Variants in EPHA3 observed in about 807,000 individuals in gnomAD.
The protein encoded by EPHA3 is EPH receptor A3, also known as ephrin type-A receptor 3.
In EPHA3, 42 loss-of-function variants were observed where a neutral mutation model predicts 107.1. The observed-to-expected ratio is 0.39, with a 90% CI of 0.31 to 0.51. EPHA3 has a LOEUF of 0.51. Among genes scored for constraint, EPHA3 ranks in the 20% least tolerant of loss-of-function variants. The pLI, the probability that EPHA3 is intolerant of heterozygous loss-of-function variation, is 0.78. For missense variants in EPHA3, 1,183 were observed against 1,211.2 expected (o/e 0.98, Z 0.35); for synonymous variants, 461 against 424.8 (o/e 1.09, Z -1.05).
chr3:89,355,032 C>G (rs1310872452), intron 5 of EPHA3, among the ~76,000 whole-genome samples: 1 of 150,706 alleles, frequency 6.6e-6, no homozygotes, highest in Non-Finnish European at 1.5e-5. Context: ...TCAAAAGCAC[C>G]CTCTTGACAA....
intron 3 of EPHA3, among the ~76,000 whole-genome samples, chr3:89,338,600 C>T (rs748541987): frequency 9.8e-5 from 15 of 152,340 alleles, no homozygotes; most frequent in South Asian, 8.3e-4. Context: ...CCAGGCCGGA[C>T]TGCAGTGGCG....
chr3:89,257,398 C>T (rs1320595859), intron 3 of EPHA3, among the ~76,000 whole-genome samples: 2 of 152,146 alleles, frequency 1.3e-5, no homozygotes, highest in East Asian at 1.9e-4. Flanking sequence ...ACCCCACTCC[C>T]TTTTCCTTAT....
At chr3:89,422,714 T>G (rs928129575) in intron 11 of EPHA3, among the ~76,000 whole-genome samples, 1 of 151,456 alleles carries the variant, frequency 6.6e-6, no homozygotes, top group Non-Finnish European at 1.5e-5. Flanking sequence ...AAAATAATTC[T>G]TTTTTTGCTC....
intron 2 of EPHA3, among the ~76,000 whole-genome samples, chr3:89,183,389 G>A (rs1228610329): frequency 6.6e-6 from 1 of 151,816 alleles, no homozygotes; most frequent in African/African-American, 2.4e-5. Context: ...GTAAGATTTG[G>A]TCTTTTCTCA....
At chr3:89,186,549 T>C (rs192018363) in intron 2 of EPHA3, among the ~76,000 whole-genome samples, 30 of 152,270 alleles carry the variant, frequency 2.0e-4, no homozygotes, top group African/African-American at 6.3e-4. Flanking sequence ...AAGTATTTTC[T>C]GATGTTTATT....
At chr3:89,160,508 G>C (rs1270344827) in intron 2 of EPHA3, among the ~76,000 whole-genome samples, 2 of 149,486 alleles carry the variant, frequency 1.3e-5, no homozygotes, top group Non-Finnish European at 3.0e-5. Flanking sequence ...AGTAAATAAA[G>C]CTTTATATTC....
intron 2 of EPHA3, among the ~76,000 whole-genome samples, chr3:89,207,904 A>G (rs371809618): frequency 5.9e-5 from 9 of 152,220 alleles, no homozygotes; most frequent in African/African-American, 2.2e-4. Flanking sequence ...CCTAAAATTT[A>G]GCAAATGCCT....
chr3:89,423,964 T>C (rs1709403595), intron 11 of EPHA3, among the ~76,000 whole-genome samples: 1 of 151,428 alleles, frequency 6.6e-6, no homozygotes, highest in Non-Finnish European at 1.5e-5. Context: ...AGAAGAAATA[T>C]GATGAAGCAC....
intron 5 of EPHA3, among the ~76,000 whole-genome samples, chr3:89,394,760 A>G (rs985893426): frequency 8.5e-5 from 13 of 152,360 alleles, no homozygotes; most frequent in African/African-American, 3.1e-4. Flanking sequence ...AGAAAAATCT[A>G]TATAAAAATA....
chr3:89,410,461 GCAGGAAAT>G (rs1477279590), intron 9 of EPHA3, among the ~76,000 whole-genome samples: 1 of 151,854 alleles, frequency 6.6e-6, no homozygotes, highest in Non-Finnish European at 1.5e-5. Context: ...AATTCTGATG[GCAGGAAAT>G]CTCCCCCACG....
chr3:89,159,417 C>T (rs1395517400), intron 2 of EPHA3, among the ~76,000 whole-genome samples: 2 of 152,074 alleles, frequency 1.3e-5, no homozygotes, highest in Non-Finnish European at 2.9e-5. Flanking sequence ...ACAGCAAGCA[C>T]CACCAAAATC....
At chr3:89,161,244 A>G (rs1704934718) in intron 2 of EPHA3, among the ~76,000 whole-genome samples, 1 of 152,208 alleles carries the variant, frequency 6.6e-6, no homozygotes, top group Admixed American at 6.5e-5. Context: ...AATGGGTAAC[A>G]CATTCACATG....
At position 89,429,144 on chromosome 3, in the gene EPHA3, G is replaced by T; in HGVS notation, c.2113G>T (p.Gly705Cys). The T allele has an allele frequency of 6.2e-7, 1 of 1,610,822 alleles. No individual in the cohort carries two copies. The highest frequency in any genetic ancestry group is 8.5e-7 in the Non-Finnish European group (1 of 1,177,784). Residue 705 changes from glycine (G) to cysteine (C), a missense_variant, in exon 12 of 17, where the codon GGT (glycine) becomes TGT (cysteine). Transcript: ENST00000336596. ...GATTGTCACAGAATACATGGAGAAT[G>T]GTTCCTTGGATAGTTTCCTACGTGT... Reference protein sequence around the residue: ...VMIVTEYMENGSLDSFLRKHD... With the variant: ...VMIVTEYMENCSLDSFLRKHD...
chr3:89,390,499 T>C (rs149281779), intron 5 of EPHA3, among the ~76,000 whole-genome samples: 2,434 of 151,226 alleles, frequency 0.016, 69 homozygotes, highest in African/African-American at 0.056. Flanking sequence ...ACTCGGGAGG[T>C]TGAGGCAGGA....
At position 89,402,884 on chromosome 3, in the gene EPHA3, G is replaced by A. The variant is rs138148842; in HGVS notation, c.1594+3404G>A. ...GTAGAGACGGGGTTTCACCATGTTG[G>A]CCAGGCTGGTCTTGAACTCCTGACC... On this transcript the variant is annotated intron_variant, in intron 7 of 16. Coordinates refer to ENST00000336596, the MANE Select transcript of EPHA3 (RefSeq NM_005233.6). Among the ~76,000 whole-genome samples, 900 of 152,128 alleles carry A rather than the reference G, an allele frequency of 5.9e-3. 11 individuals are homozygous for A. The highest frequency in any genetic ancestry group is 0.02 in the African/African-American group (825 of 41,520).
intron 5 of EPHA3, among the ~76,000 whole-genome samples, chr3:89,368,167 G>C (rs1354019416): frequency 6.6e-6 from 1 of 150,446 alleles, no homozygotes; most frequent in Non-Finnish European, 1.5e-5. Context: ...AGTGTGTGCT[G>C]TTGGTAGTTG....
chr3:89,390,192 T>C (rs1484005073), intron 5 of EPHA3, among the ~76,000 whole-genome samples: 2 of 152,094 alleles, frequency 1.3e-5, no homozygotes, highest in Non-Finnish European at 2.9e-5. Flanking sequence ...GGTTTTGCCA[T>C]ATTGGTCAAG....
chr3:89,479,127 A>T lies in EPHA3; in HGVS notation c.2847-270A>T, dbSNP rs868748830. Among the ~76,000 whole-genome samples the T allele has an allele frequency of 2.6e-5, 4 of 151,488 alleles. No homozygotes were observed. The South Asian group carries it at 8.3e-4, about 31-fold the overall frequency. On this transcript the variant is annotated intron_variant, in intron 16 of 16. Transcript: ENST00000336596. The stretch of plus-strand genomic sequence containing the variant: ...TTTTCCCAATCGGTGTATTAATTAC[A>T]TCTGCAGTGACCCTCTATCCAAATA...
intron 2 of EPHA3, among the ~76,000 whole-genome samples, chr3:89,207,429 T>C (rs1216373543): frequency 1.3e-5 from 2 of 152,166 alleles, no homozygotes; most frequent in Non-Finnish European, 2.9e-5. Context: ...AAACTTGACC[T>C]CATGCGATGG....
Sources: allele counts gnomAD v4.1 joint callset (sites outside exome capture counted in the v4.1 genomes callset), GRCh38; gene constraint gnomAD v4.1.1; transcripts MANE v1.5; gene names NCBI Gene and HGNC (gene_info 2026-07-23, HGNC 2026-07-21).